Variants in SCN1A observed in about 807,000 individuals in gnomAD.
The protein encoded by SCN1A is sodium voltage-gated channel alpha subunit 1, also known as sodium channel protein type 1 subunit alpha.
A neutral mutation model predicts 193.7 loss-of-function variants in SCN1A; 13 were observed. That is an observed-to-expected ratio of 0.07 (90% CI 0.04 to 0.11). SCN1A has a LOEUF of 0.11. Among genes scored for constraint, SCN1A ranks in the 10% least tolerant of loss-of-function variants. The pLI is 1.00. For missense variants in SCN1A, 1,432 were observed against 2,451.1 expected (o/e 0.58, Z 8.78); for synonymous variants, 781 against 843.6 (o/e 0.93, Z 1.29).
At chr2:166,012,602 CTTCT>C (rs1692652680) in intron 21 of SCN1A, among the ~76,000 whole-genome samples, 1 of 126,002 alleles carries the variant, frequency 7.9e-6, no homozygotes, top group Non-Finnish European at 1.6e-5. Flanking sequence ...ATTTTGCTTC[CTTCT>C]ATTGGCTTTT....
intron 1 of SCN1A, among the ~76,000 whole-genome samples, chr2:166,137,857 C>A (rs1413806096): frequency 6.6e-6 from 1 of 152,158 alleles, no homozygotes; most frequent in African/African-American, 2.4e-5. Flanking sequence ...AAGTTTGGAA[C>A]TCCCTAGAGA....
intron 2 of SCN1A, among the ~76,000 whole-genome samples, chr2:166,098,530 A>G (rs1361373610): frequency 1.3e-5 from 2 of 152,156 alleles, no homozygotes; most frequent in Non-Finnish European, 2.9e-5. Flanking sequence ...GAAAGAAATA[A>G]AAGGCATCCA....
chr2:166,119,093 T>A (rs1316664783), intron 2 of SCN1A, among the ~76,000 whole-genome samples: 1 of 152,108 alleles, frequency 6.6e-6, no homozygotes, highest in African/African-American at 2.4e-5. Context: ...GAGGCGGAGC[T>A]CAGGCTGTAA....
intron 1 of SCN1A, among the ~76,000 whole-genome samples, chr2:166,141,290 A>C (rs1487934185): frequency 7.1e-6 from 1 of 141,778 alleles, no homozygotes; most frequent in African/African-American, 2.7e-5. Context: ...CCCAGTCTGC[A>C]GTGGCAATCG....
Position 166,036,525 on chromosome 2 carries a change from C to T in SCN1A, c.2952G>A (p.Leu984=). The part of the protein sequence containing the change: ...MVMVIGNLVV[L]NLFLALLLSS... ...TCAGAAGCAAGGCCAGAAAGAGATT[C>T]AGGACCTTAAAAACAACAAAAACAT... is the stretch of plus-strand genomic sequence containing the variant. The change falls in exon 19 of 29, where the codon CTG becomes CTA. Residue 984 remains leucine, a synonymous_variant. Transcript: ENST00000674923. The T allele has an allele frequency of 1.2e-6, 2 of 1,613,448 alleles. No homozygotes were observed. The highest frequency in any genetic ancestry group is 1.7e-6 in the Non-Finnish European group (2 of 1,179,690).
chr2:166,112,489 C>T (rs557710054), intron 2 of SCN1A, among the ~76,000 whole-genome samples: 22 of 152,206 alleles, frequency 1.4e-4, no homozygotes, highest in African/African-American at 5.1e-4. Context: ...GTGTGACTCA[C>T]TTTATTGCAA....
intron 4 of SCN1A, among the ~76,000 whole-genome samples, chr2:166,065,361 G>A (rs1373848756): frequency 1.3e-5 from 2 of 152,114 alleles, no homozygotes; most frequent in Admixed American, 1.3e-4. Context: ...CAGCATAGAT[G>A]GTCAGGAGAT....
chr2:166,123,798 G>A (rs1690911651), intron 2 of SCN1A, among the ~76,000 whole-genome samples: 1 of 151,864 alleles, frequency 6.6e-6, no homozygotes, highest in Non-Finnish European at 1.5e-5. Context: ...AAAGTCGGGG[G>A]CAGTTAGAGC....
intron 17 of SCN1A, 42 bp downstream of exon 17, chr2:166,039,381 A>G (rs1228264865): frequency 6.3e-7 from 1 of 1,590,256 alleles, no homozygotes; most frequent in Non-Finnish European, 8.6e-7. Context: ...CCTGATTGTT[A>G]GAAAGGTTTT....
In SCN1A at chr2:166,125,452, C is replaced by T. The variant is rs77756782; in HGVS notation, c.-142+1472G>A. ...TTGTGTGTCACTGTCAGGCTCACACCGACATAAACCCTTGAGAAATGCCTG... is the reference window on the plus strand; with the variant it reads ...TTGTGTGTCACTGTCAGGCTCACACTGACATAAACCCTTGAGAAATGCCTG... On this transcript the variant is annotated intron_variant, in intron 2 of 28. Transcript: ENST00000674923. Among the ~76,000 whole-genome samples the T allele has an allele frequency of 7.2e-3, 1,091 of 152,242 alleles. 17 individuals carry two copies. The highest frequency in any genetic ancestry group is 0.025 in the African/African-American group (1,033 of 41,534).
rs1304238538 is a variant in SCN1A, at chr2:166,009,844, G to C, written c.3880-3C>G. The C allele has an allele frequency of 6.2e-7, 1 of 1,604,934 alleles. No individual in the cohort carries two copies. Among genetic ancestry groups the C allele is most frequent in the Non-Finnish European group, 8.5e-7 (1 of 1,173,578 alleles). On this transcript the variant is annotated splice_region_variant and splice_polypyrimidine_tract_variant and intron_variant, in intron 22 of 28. Transcript: ENST00000674923. Reference sequence around the variant, plus strand: ...GCTGTTAAACTGACCAATGAAACCTGCACACACAAAAATAATAACAATTAA... The same window carrying C: ...GCTGTTAAACTGACCAATGAAACCTCCACACACAAAAATAATAACAATTAA...
chr2:166,085,175 A>G (rs756529717), intron 2 of SCN1A, among the ~76,000 whole-genome samples: 1 of 152,128 alleles, frequency 6.6e-6, no homozygotes, highest in Non-Finnish European at 1.5e-5. Flanking sequence ...CAGCACAACA[A>G]TGGTATGATT....
rs371850185 is a variant in SCN1A at position 166,044,266 on chromosome 2, A to G, written c.1663-217T>C. Among the ~76,000 whole-genome samples, 14 of 152,204 alleles carry G rather than the reference A, an allele frequency of 9.2e-5. No homozygotes were observed. The East Asian group carries it at 2.5e-3, about 27-fold the overall frequency. On this transcript the variant is annotated intron_variant, in intron 13 of 28. Coordinates refer to ENST00000674923, the MANE Select transcript of SCN1A (RefSeq NM_001165963.4). The stretch of plus-strand genomic sequence containing the variant: ...GCCCTTGGGATTAAAGAATGAGGAG[A>G]TAGATTGCAACCTTAACATATTGAA...
intron 1 of SCN1A, among the ~76,000 whole-genome samples, chr2:166,147,827 T>C (rs1692384870): frequency 6.6e-6 from 1 of 152,228 alleles, no homozygotes; most frequent in African/African-American, 2.4e-5. Context: ...TTAATATGGT[T>C]AATAGAATGA....
intron 2 of SCN1A, among the ~76,000 whole-genome samples, chr2:166,116,603 CT>C (rs1413295660): frequency 7.4e-4 from 2 of 2,720 alleles, no homozygotes; most frequent in African/African-American, 1.2e-3. Flanking sequence ...GTCCCAGAAT[CT>C]GATGAATTAT....
At chr2:166,092,444 G>A (rs866669623) in intron 2 of SCN1A, 2 of 152,174 alleles carry the variant, frequency 1.3e-5, no homozygotes, top group African/African-American at 2.4e-5. Context: ...GGACTGAGTC[G>A]ATTCATGCAG....
chr2:165,996,230 GTATAAT>G, intron 26 of SCN1A, 113 bp from the exon 27 acceptor site: 1 of 650,122 alleles, frequency 1.5e-6, no homozygotes. Context: ...CAACTGATTA[GTATAAT>G]TATATCTGGG....
At chr2:166,098,708 C>T (rs1687681069) in intron 2 of SCN1A, among the ~76,000 whole-genome samples, 1 of 152,056 alleles carries the variant, frequency 6.6e-6, no homozygotes, top group African/African-American at 2.4e-5. Flanking sequence ...CATTTCCATA[C>T]ACCAATAACA....
intron 9 of SCN1A, 59 bp from the exon 10 acceptor site, chr2:166,049,008 A>G: frequency 9.6e-7 from 1 of 1,038,702 alleles, no homozygotes; most frequent in Non-Finnish European, 1.5e-6. Flanking sequence ...CACTCAAATG[A>G]GAACAGGAAG....
Sources: allele counts gnomAD v4.1 joint callset (sites outside exome capture counted in the v4.1 genomes callset), GRCh38; gene constraint gnomAD v4.1.1; transcripts MANE v1.5; gene names NCBI Gene and HGNC (gene_info 2026-07-23, HGNC 2026-07-21).